The following KCNH4 variants were observed in gnomAD, a reference collection of about 807,000 sequenced individuals.
The protein encoded by KCNH4 is potassium voltage-gated channel subfamily H member 4.
A neutral mutation model predicts 90.7 loss-of-function variants in KCNH4; 33 were observed. That is an observed-to-expected ratio of 0.36 (90% confidence interval 0.28 to 0.49). The LOEUF (loss-of-function observed/expected upper bound fraction) is 0.49. Ranked by LOEUF, KCNH4 falls within the 20% of genes least tolerant of loss-of-function variation. The pLI is 0.98. For missense variants in KCNH4, 1,044 were observed against 1,387.1 expected (o/e 0.75, Z 3.93); for synonymous variants, 551 against 581.7 (o/e 0.95, Z 0.76).
intron 9 of KCNH4, among the ~76,000 whole-genome samples, chr17:42,167,065 C>T (rs1044639414): frequency 6.6e-6 from 1 of 152,128 alleles, no homozygotes; most frequent in Admixed American, 6.5e-5. Flanking sequence ...TGAACTCTCC[C>T]CTTGGTCCCC....
rs926735505 is a variant in KCNH4, at chr17:42,180,948, C to A, written c.-3G>T. 2 of 1,611,834 alleles carry A rather than the reference C, an allele frequency of 1.2e-6. No individual in the cohort carries two copies. Among genetic ancestry groups the A allele is most frequent in the Non-Finnish European group, 1.7e-6 (2 of 1,179,020 alleles). On this transcript the variant is annotated 5_prime_UTR_variant, in exon 1 of 17. Transcript: ENST00000264661. The surrounding 1 kb of genome is among the most constrained non-coding windows in gnomAD (Gnocchi z 4.7). ...AGCAACCCCTTCATGACCGGCATGG[C>A]CCCGGGGCGTGGGTTCAAGGCGCGG... is the stretch of plus-strand genomic sequence containing the variant.
At chr17:42,162,217 C>A (rs2079753817) in intron 15 of KCNH4, 31 bp downstream of exon 15, 2 of 1,602,568 alleles carry the variant, frequency 1.2e-6, no homozygotes, top group East Asian at 2.2e-5. Flanking sequence ...GCTGTTATAT[C>A]AGGCACGTCT....
At chr17:42,171,444 T>C (rs1446926982) in intron 7 of KCNH4, among the ~76,000 whole-genome samples, 2 of 151,808 alleles carry the variant, frequency 1.3e-5, no homozygotes, top group Non-Finnish European at 2.9e-5. Context: ...AAGAAGGGAT[T>C]GATGGGGGCA....
chr17:42,164,655 T>C (rs557736425), intron 11 of KCNH4, among the ~76,000 whole-genome samples: 129 of 150,430 alleles, frequency 8.6e-4, no homozygotes, highest in African/African-American at 3.0e-3. Flanking sequence ...ATATAAAAAT[T>C]AGCCAGGCAT....
chr17:42,174,742 G>T (rs1011782624), intron 6 of KCNH4, among the ~76,000 whole-genome samples: 1 of 152,120 alleles, frequency 6.6e-6, no homozygotes, highest in African/African-American at 2.4e-5. Flanking sequence ...CTATCTGCTG[G>T]CTGGGGCCAC....
chr17:42,171,575 C>T (rs1420611849), intron 7 of KCNH4, among the ~76,000 whole-genome samples: 6 of 152,130 alleles, frequency 3.9e-5, no homozygotes, highest in Admixed American at 3.3e-4. Context: ...CTTGCTCCCC[C>T]ACTAGGCTGT....
At chr17:42,177,714 C>T (rs1451409565) in intron 4 of KCNH4, among the ~76,000 whole-genome samples, 1 of 152,020 alleles carries the variant, frequency 6.6e-6, no homozygotes, top group Non-Finnish European at 1.5e-5. Flanking sequence ...GGTCAGGATC[C>T]TAGGAGGTGG....
chr17:42,161,122 G>T (rs1276511901), intron 15 of KCNH4, among the ~76,000 whole-genome samples: 1 of 151,942 alleles, frequency 6.6e-6, no homozygotes, highest in South Asian at 2.1e-4. Context: ...TAGAGACAGG[G>T]TTTCACCGTG....
intron 7 of KCNH4, among the ~76,000 whole-genome samples, chr17:42,170,993 G>A (rs1419687903): frequency 1.3e-5 from 2 of 152,214 alleles, no homozygotes; most frequent in Admixed American, 6.5e-5. Flanking sequence ...GGGAGAACGG[G>A]AAGGCAGGTG....
chr17:42,180,877 G>A lies in KCNH4; in HGVS notation c.69C>T (p.Asp23=), dbSNP rs765535265. ...GACCTCCGTCCCACTCACGCGTTCC[G>A]TCAAAACGGGTGGCGATGGTGTCCA... ...TFLDTIATRF[D]GTHSNFLLAN... The change falls in exon 1 of 17, where the codon GAC becomes GAT. Residue 23 remains aspartate, a synonymous_variant. Transcript: ENST00000264661. This position sits in a 1 kb window ranked among gnomAD's most constrained non-coding sequence, Gnocchi z 4.7. 22 of 1,613,612 alleles carry A rather than the reference G, an allele frequency of 1.4e-5. No homozygotes were observed. The highest frequency in any genetic ancestry group is 1.7e-5 in the Non-Finnish European group (20 of 1,179,826).
chr17:42,166,196 G>C, intron 10 of KCNH4, 101 bp downstream of exon 10: 3 of 1,411,992 alleles, frequency 2.1e-6, no homozygotes, highest in Non-Finnish European at 2.9e-6. Context: ...GTATCCACGA[G>C]GGGTATCCCA....
At position 42,159,986 on chromosome 17, in the gene KCNH4, C is replaced by G. The variant is rs1456290845; in HGVS notation, c.*54G>C. On this transcript the variant is annotated 3_prime_UTR_variant, in exon 16 of 17. Transcript: ENST00000264661. ...GGAAGCCAAGGGGCCCAGGTCCTCC[C>G]TGAGTGGTGAGCGGCAGCGCCCACC... 5.6e-6 allele frequency: 8 copies of G among 1,416,168 alleles called. No individual in the cohort carries two copies. The Admixed American group carries it at 2.0e-4, about 36-fold the overall frequency. 87.7% of individuals were successfully genotyped at this position (1,416,168 alleles called of 1,614,324 possible). A position where few individuals can be genotyped will look rare whatever the true frequency, so the allele number is the denominator to read the frequency against.
intron 6 of KCNH4, 62 bp downstream of exon 6, chr17:42,175,517 C>T (rs2079854689): frequency 9.4e-6 from 15 of 1,595,624 alleles, no homozygotes; most frequent in Non-Finnish European, 7.7e-6. Context: ...TCAGTCCCTT[C>T]CTGGAAGATG....
chr17:42,160,574 T>C, intron 15 of KCNH4, 139 bp from the exon 16 acceptor site: 2 of 869,850 alleles, frequency 2.3e-6, no homozygotes, highest in Non-Finnish European at 3.4e-6. Context: ...AGGGTTATTT[T>C]TGCCTAGATG....
chr17:42,162,187 C>G, intron 15 of KCNH4, 61 bp downstream of exon 15: 1 of 1,442,048 alleles, frequency 6.9e-7, no homozygotes, highest in Non-Finnish European at 9.7e-7. Context: ...CTCAAGTGAG[C>G]CACGTGTAGG....
At chr17:42,178,069 TG>T (rs757463517) in intron 4 of KCNH4, 30 bp downstream of exon 4, 1 of 1,604,246 alleles carries the variant, frequency 6.2e-7, no homozygotes, top group Admixed American at 1.7e-5. Flanking sequence ...CTGGAGGACT[TG>T]GGAGATGTTG....
intron 9 of KCNH4, among the ~76,000 whole-genome samples, chr17:42,167,138 A>G (rs764008808): frequency 5.9e-5 from 9 of 151,832 alleles, no homozygotes; most frequent in Non-Finnish European, 1.0e-4. Context: ...ATTTCCTCTC[A>G]GGCTCCTCTT....
intron 6 of KCNH4, among the ~76,000 whole-genome samples, chr17:42,174,486 G>A (rs944759627): frequency 1.4e-4 from 22 of 152,316 alleles, no homozygotes; most frequent in South Asian, 6.2e-4. Flanking sequence ...AATGGTCAGA[G>A]CCTCGAGGCA....
rs28459794 is a variant in KCNH4 at position 42,166,278 on chromosome 17, A to C, written c.1840+19T>G. 19 of 1,581,632 alleles carry C rather than the reference A, an allele frequency of 1.2e-5. No individual in the cohort carries two copies. The African/African-American group carries it at 2.3e-4, about 19-fold the overall frequency. Reference sequence around the variant, plus strand: ...GGGGTGGTTCCAGGGTAGGTAGTAGAGGGTGACGGTGTCCTTACCCAGGAT... The same window carrying C: ...GGGGTGGTTCCAGGGTAGGTAGTAGCGGGTGACGGTGTCCTTACCCAGGAT... On this transcript the variant is annotated intron_variant, in intron 10 of 16. Transcript: ENST00000264661.
Sources: gnomAD v4.1 joint callset for allele counts (sites outside exome capture counted in the v4.1 genomes callset) on GRCh38, gnomAD v4.1.1 for gene constraint, Gnocchi (gnomAD v3.1) non-coding constraint, MANE v1.5 for transcripts, NCBI Gene and HGNC (gene_info 2026-07-23, HGNC 2026-07-21) for gene names.